The following LRRC8B variants were observed in gnomAD, a reference collection of about 807,000 sequenced individuals.
LRRC8B encodes the protein volume-regulated anion channel subunit LRRC8B.
A neutral mutation model predicts 58.8 loss-of-function variants in LRRC8B; 23 were observed. That is an observed-to-expected ratio of 0.39 (90% CI 0.28 to 0.55). The LOEUF (loss-of-function observed/expected upper bound fraction) is 0.55. Among genes scored for constraint, LRRC8B ranks in the 20% least tolerant of loss-of-function variants. The probability of loss-of-function intolerance (pLI) is 0.62; values close to 1 mark genes in which losing one functional copy is unlikely to be tolerated. For synonymous variants in LRRC8B, 359 were observed against 374.1 expected, an observed-to-expected ratio of 0.96 and a Z score of 0.47; for missense variants, 694 against 936.0, an observed-to-expected ratio of 0.74 and a Z score of 3.37.
intron 1 of LRRC8B, chr1:89,549,796 T>C (rs775766185): frequency 3.9e-5 from 6 of 152,134 alleles, no homozygotes; most frequent in Non-Finnish European, 8.8e-5. Context: ...CTGCATTGAG[T>C]TATTTATTTT....
intron 1 of LRRC8B, among the ~76,000 whole-genome samples, chr1:89,533,817 A>G (rs755670035): frequency 7.2e-5 from 11 of 152,242 alleles, no homozygotes; most frequent in Non-Finnish European, 1.5e-4. Context: ...TACCTAGTCT[A>G]GGGTTTCATT....
chr1:89,569,638 G>T (rs115175163), intron 3 of LRRC8B, among the ~76,000 whole-genome samples: 8,601 of 152,164 alleles, frequency 0.057, 280 homozygotes, highest in African/African-American at 0.085. Flanking sequence ...CAAAGAACAT[G>T]ATTTCATTAT....
Position 89,583,002 on chromosome 1 carries a change from G to A in LRRC8B, c.352G>A (p.Ala118Thr). Residue 118 changes from alanine (A) to threonine (T), a missense_variant, in exon 5 of 6, where the codon GCA becomes ACA. Around this residue, in one of 5 missense-constraint regions of LRRC8B, gnomAD observed 316 missense variants for 403.8 expected, o/e 0.78. Coordinates refer to ENST00000330947, the MANE Select transcript of LRRC8B (RefSeq NM_001369817.2). The surrounding 1 kb of genome is among the most constrained non-coding windows in gnomAD (Gnocchi z 5.2). ...VCYEKQLHWF[A>T]KFFPYLVLLH... ...TTACGAGAAACAGCTCCATTGGTTT[G>A]CAAAGTTTTTCCCCTATCTGGTGCT... 6.2e-7 allele frequency: 1 copy of A among 1,614,138 alleles called. No individual in the cohort carries two copies. Among genetic ancestry groups the A allele is most frequent in the Non-Finnish European group, 8.5e-7 (1 of 1,180,022 alleles).
intron 1 of LRRC8B, among the ~76,000 whole-genome samples, chr1:89,526,762 T>A (rs2100761537): frequency 6.6e-6 from 1 of 152,342 alleles, no homozygotes; most frequent in Non-Finnish European, 1.5e-5. Context: ...ACAACATTTT[T>A]AAATCTGCAT....
At chr1:89,552,565 G>A (rs1029787355) in intron 1 of LRRC8B, among the ~76,000 whole-genome samples, 1 of 152,152 alleles carries the variant, frequency 6.6e-6, no homozygotes, top group Admixed American at 6.5e-5. Flanking sequence ...ATTTACAATA[G>A]ATTAAAGGGA....
chr1:89,588,842 G>A (rs925378294), intron 5 of LRRC8B, among the ~76,000 whole-genome samples: 5 of 152,176 alleles, frequency 3.3e-5, no homozygotes, highest in African/African-American at 1.2e-4. Context: ...CAGCCTGGGG[G>A]TCAAGTCTAC....
chr1:89,589,648 C>T (rs561679591), intron 5 of LRRC8B, among the ~76,000 whole-genome samples: 6 of 149,732 alleles, frequency 4.0e-5, no homozygotes, highest in Non-Finnish European at 7.4e-5. Context: ...CTATGTGACA[C>T]TGGGTTTTGT....
intron 1 of LRRC8B, among the ~76,000 whole-genome samples, chr1:89,536,209 G>A (rs1397011945): frequency 1.3e-5 from 2 of 152,172 alleles, no homozygotes; most frequent in South Asian, 2.1e-4. Flanking sequence ...CAGTAGAGGG[G>A]ACAAGCATTA....
chr1:89,552,076 A>G (rs1378246582), intron 1 of LRRC8B, among the ~76,000 whole-genome samples: 1 of 152,048 alleles, frequency 6.6e-6, no homozygotes, highest in African/African-American at 2.4e-5. Flanking sequence ...TAATATTCAG[A>G]TTTGCATTGT....
In LRRC8B at chr1:89,582,902, G is replaced by T. The variant is rs1208416988; in HGVS notation, c.252G>T (p.Gly84=). 3.1e-6 allele frequency: 5 copies of T among 1,613,980 alleles called. No individual in the cohort carries two copies. The African/African-American group carries it at 4.0e-5, about 13-fold the overall frequency. ...KASMNTSSNP[G]TPLPLPLRIQ... ...GCATGAACACATCCTCTAATCCTGG[G>T]ACACCGCTTCCGCTCCCCCTCCGAA... is the stretch of plus-strand genomic sequence containing the variant. The change falls in exon 5 of 6, where the codon GGG becomes GGT. Residue 84 remains glycine (G), a synonymous_variant. Coordinates refer to ENST00000330947, the MANE Select transcript of LRRC8B (RefSeq NM_001369817.2).
chr1:89,525,414 G>T (rs972725650), intron 1 of LRRC8B, among the ~76,000 whole-genome samples: 3 of 152,220 alleles, frequency 2.0e-5, no homozygotes, highest in African/African-American at 4.8e-5. Context: ...CTGGCGTCTC[G>T]CTCCAGATGA....
At chr1:89,592,585 C>T (rs563797350) in intron 5 of LRRC8B, among the ~76,000 whole-genome samples, 186 bp from the exon 6 acceptor site, 2 of 152,212 alleles carry the variant, frequency 1.3e-5, no homozygotes, top group Admixed American at 6.5e-5. Context: ...CCTCACTCCT[C>T]ATTGTACTCC....
chr1:89,536,419 A>G (rs1019137720), intron 1 of LRRC8B, among the ~76,000 whole-genome samples: 1 of 152,236 alleles, frequency 6.6e-6, no homozygotes, highest in Non-Finnish European at 1.5e-5. Context: ...AAGTGATAGT[A>G]TGAAGATTGA....
At position 89,594,527 on chromosome 1, in the gene LRRC8B, T is replaced by TC. The variant is rs773741819; in HGVS notation, c.*1487dup. The stretch of plus-strand genomic sequence containing the variant: ...AAGAGTTAAAGCAAAAGACTTTTTT[T>TC]CCCTCCATCTATGTAATCTCTAGCT... On this transcript the variant is annotated 3_prime_UTR_variant, in exon 6 of 6. Transcript: ENST00000330947. 15 of 152,160 alleles carry TC rather than the reference T, an allele frequency of 9.9e-5. No homozygotes were observed. Among genetic ancestry groups the TC allele is most frequent in the Non-Finnish European group, 2.1e-4 (14 of 68,008 alleles). The allele number at this position is 152,160 out of a possible 1,614,324, so 9.4% of individuals were successfully genotyped here.
rs1655061511 is a variant in LRRC8B, at chr1:89,592,710, A to G, written c.2140-61A>G. On this transcript the variant is annotated intron_variant, in intron 5 of 5. Coordinates refer to ENST00000330947, the MANE Select transcript of LRRC8B (RefSeq NM_001369817.2). ...TTTTTTTTTTTTGGAAAAAAGGTAA[A>G]TGTCTTATCATAAGCCACCAAAAAC... 3.0e-5 allele frequency: 43 copies of G among 1,410,524 alleles called. 1 individual carries two copies. In the South Asian group the frequency reaches 3.8e-4, roughly 13 times the overall value. The allele number at this position is 1,410,524 out of a possible 1,614,324, so 87.4% of individuals were successfully genotyped here.
intron 3 of LRRC8B, among the ~76,000 whole-genome samples, chr1:89,576,737 A>G (rs1043740806): frequency 7.2e-5 from 11 of 152,248 alleles, no homozygotes; most frequent in African/African-American, 4.8e-5. Flanking sequence ...AGGTCTCAAA[A>G]CTACGACTGA....
At chr1:89,534,678 T>C (rs925644863) in intron 1 of LRRC8B, among the ~76,000 whole-genome samples, 2 of 152,248 alleles carry the variant, frequency 1.3e-5, no homozygotes, top group African/African-American at 4.8e-5. Flanking sequence ...AGCAAGTGTT[T>C]CTTTTTAAAT....
Position 89,583,821 on chromosome 1 carries a change from G to T in LRRC8B, c.1171G>T (p.Val391Phe). The T allele has an allele frequency of 6.2e-7, 1 of 1,614,150 alleles. No individual in the cohort carries two copies. Among genetic ancestry groups the T allele is most frequent in the South Asian group, 1.1e-5 (1 of 91,088 alleles). The change falls in exon 5 of 6, where the codon GTC becomes TTC. Residue 391 changes from valine (V) to phenylalanine (F), a missense_variant. Physicochemically the swap from Val to Phe is conservative, Grantham distance 50 (BLOSUM62 -1). Coordinates refer to ENST00000330947, the MANE Select transcript of LRRC8B (RefSeq NM_001369817.2). The surrounding 1 kb of genome is among the most constrained non-coding windows in gnomAD (Gnocchi z 5.2). ...ACGCTTCTCCATATTCCTATCAGAGGTCAGTGAGAACAAACTGAAACAGAT... is the reference window on the plus strand; with the variant it reads ...ACGCTTCTCCATATTCCTATCAGAGTTCAGTGAGAACAAACTGAAACAGAT... ...SKRFSIFLSE[V>F]SENKLKQINL...
intron 1 of LRRC8B, among the ~76,000 whole-genome samples, chr1:89,554,989 T>C (rs1190770915): frequency 6.6e-6 from 1 of 152,038 alleles, no homozygotes; most frequent in Non-Finnish European, 1.5e-5. Context: ...TTAGAAGTCA[T>C]GTGTCAAACT....
Sources: allele counts gnomAD v4.1 joint callset (sites outside exome capture counted in the v4.1 genomes callset), GRCh38; gene constraint gnomAD v4.1.1; regional missense constraint gnomAD v4.1.1; non-coding constraint Gnocchi (gnomAD v3.1); transcripts MANE v1.5; gene names NCBI Gene and HGNC (gene_info 2026-07-23, HGNC 2026-07-21).